The following LCOR variants were observed in gnomAD, a reference collection of about 807,000 sequenced individuals.
The protein encoded by LCOR is ligand dependent nuclear receptor corepressor.
A neutral mutation model predicts 64.4 loss-of-function variants in LCOR; 14 were observed. That is an observed-to-expected ratio of 0.22 (90% confidence interval 0.14 to 0.34). LCOR has a LOEUF of 0.34. Among genes scored for constraint, LCOR ranks in the 10% least tolerant of loss-of-function variants. The pLI, the probability that LCOR is intolerant of heterozygous loss-of-function variation, is 1.00. For missense variants in LCOR, 1,686 were observed against 1,765.3 expected (o/e 0.96, Z 0.80); for synonymous variants, 643 against 642.5 (o/e 1.00, Z -0.01).
intron 2 of LCOR, among the ~76,000 whole-genome samples, chr10:96,836,595 C>G: frequency 6.6e-6 from 1 of 152,252 alleles, no homozygotes; most frequent in East Asian, 1.9e-4. Context: ...AGTTATTGTA[C>G]AAGGCATAGT....
intron 4 of LCOR, among the ~76,000 whole-genome samples, chr10:96,928,215 T>C (rs965519257): frequency 8.5e-5 from 13 of 152,214 alleles, no homozygotes; most frequent in African/African-American, 3.1e-4. Flanking sequence ...GTTTGCATTT[T>C]ACCCGTAGTA....
chr10:96,855,778 A>G (rs1054884940), intron 2 of LCOR, among the ~76,000 whole-genome samples: 2 of 126,972 alleles, frequency 1.6e-5, no homozygotes, highest in Non-Finnish European at 3.3e-5. Context: ...GTCTCACTCC[A>G]TTGCCCAGGC....
intron 2 of LCOR, 140 bp downstream of exon 2, chr10:96,833,619 C>T (rs531926529): frequency 4.6e-6 from 1 of 218,880 alleles, no homozygotes; most frequent in African/African-American, 2.3e-5. Context: ...GAGATGCCCT[C>T]TCGTCGTCCG....
At chr10:96,864,524 A>G (rs777885220) in intron 2 of LCOR, among the ~76,000 whole-genome samples, 3 of 152,324 alleles carry the variant, frequency 2.0e-5, no homozygotes, top group Middle Eastern at 3.4e-3. Flanking sequence ...TCCTGCTCGC[A>G]TGGCACTTAG....
chr10:96,835,264 C>T (rs1845423219), intron 2 of LCOR, among the ~76,000 whole-genome samples: 2 of 152,156 alleles, frequency 1.3e-5, no homozygotes, highest in South Asian at 4.1e-4. Flanking sequence ...AATGGAATAT[C>T]AACATTTTGA....
At chr10:96,942,385 T>C (rs540981073) in intron 4 of LCOR, among the ~76,000 whole-genome samples, 1 of 152,182 alleles carries the variant, frequency 6.6e-6, no homozygotes, top group East Asian at 1.9e-4. Flanking sequence ...TGAGCTGAGA[T>C]GGCAGCAGTA....
chr10:96,966,777 C>T (rs1056235784), intron 7 of LCOR, among the ~76,000 whole-genome samples: 2 of 152,108 alleles, frequency 1.3e-5, no homozygotes, highest in African/African-American at 4.8e-5. Context: ...TTCTTATCTC[C>T]CAGGTTGGAG....
chr10:96,901,085 A>G (rs570880717), intron 2 of LCOR, among the ~76,000 whole-genome samples: 12 of 152,132 alleles, frequency 7.9e-5, no homozygotes, highest in Admixed American at 5.9e-4. Context: ...GCTACTCGGG[A>G]GGCTGAGGCA....
intron 3 of LCOR, 41 bp from the exon 4 acceptor site, chr10:96,907,627 A>G (rs1178605601): frequency 4.0e-6 from 3 of 753,038 alleles, no homozygotes; most frequent in Non-Finnish European, 4.9e-6. Context: ...TTTTCCTAAA[A>G]ATTCTCTTTT....
chr10:96,850,275 C>T (rs988844608), intron 2 of LCOR, among the ~76,000 whole-genome samples: 3 of 152,068 alleles, frequency 2.0e-5, no homozygotes, highest in East Asian at 1.9e-4. Flanking sequence ...CAAGGCCGGG[C>T]GCAGTGGCTC....
chr10:96,972,242 C>T (rs1279181907), intron 7 of LCOR, among the ~76,000 whole-genome samples: 2 of 152,044 alleles, frequency 1.3e-5, no homozygotes, highest in Non-Finnish European at 2.9e-5. Flanking sequence ...AAATGTATGT[C>T]ATCCAGTCCA....
chr10:96,836,212 G>T (rs1845438404), intron 2 of LCOR, among the ~76,000 whole-genome samples: 1 of 152,124 alleles, frequency 6.6e-6, no homozygotes, highest in Admixed American at 6.5e-5. Flanking sequence ...CCATTTTTTA[G>T]TCTTATGGTG....
chr10:96,984,067 A>G lies in LCOR; in HGVS notation c.3607A>G (p.Asn1203Asp), dbSNP rs1378826585. Residue 1203 changes from asparagine to aspartate, a missense_variant, in exon 8 of 8, where the codon AAT (asparagine) becomes GAT (aspartate). Asn to Asp is a conservative substitution (Grantham distance 23). Coordinates refer to ENST00000421806, the MANE Select transcript of LCOR (RefSeq NM_001346516.2). ...GTCTCTAGTCATTGTGAAGAAGCTC[A>G]ATACTCGCCTTCCAGGAGACGTTCC... ...TRSLVIVKKL[N>D]TRLPGDVPPV... 1 of 1,611,900 alleles carries G rather than the reference A, an allele frequency of 6.2e-7. No homozygotes were observed.
intron 7 of LCOR, among the ~76,000 whole-genome samples, chr10:96,970,030 A>G (rs1297218340): frequency 3.0e-5 from 4 of 133,944 alleles, no homozygotes; most frequent in African/African-American, 8.5e-5. Flanking sequence ...TGACCTCATG[A>G]TCCGCCCGCC....
At chr10:96,967,848 C>T (rs1475387156) in intron 7 of LCOR, among the ~76,000 whole-genome samples, 1 of 151,932 alleles carries the variant, frequency 6.6e-6, no homozygotes, top group Non-Finnish European at 1.5e-5. Flanking sequence ...ATTTTTATTT[C>T]TATTATGTGC....
intron 4 of LCOR, among the ~76,000 whole-genome samples, chr10:96,909,352 A>G (rs1345118813): frequency 6.6e-6 from 1 of 152,228 alleles, no homozygotes; most frequent in East Asian, 1.9e-4. Flanking sequence ...CAACTAAGCT[A>G]TTTCTCTATA....
intron 2 of LCOR, among the ~76,000 whole-genome samples, chr10:96,874,551 G>C (rs1315412334): frequency 6.6e-6 from 1 of 151,952 alleles, no homozygotes; most frequent in Non-Finnish European, 1.5e-5. Context: ...TAAACTCCTG[G>C]TAATTCTGCA....
intron 4 of LCOR, among the ~76,000 whole-genome samples, chr10:96,937,824 C>T (rs921141340): frequency 2.0e-4 from 31 of 152,098 alleles, no homozygotes; most frequent in Non-Finnish European, 1.3e-4. Flanking sequence ...TTTATGAGTA[C>T]CAGCACAAAA....
chr10:96,845,363 C>T (rs1032308838), intron 2 of LCOR, among the ~76,000 whole-genome samples: 2 of 143,646 alleles, frequency 1.4e-5, no homozygotes, highest in African/African-American at 5.2e-5. Flanking sequence ...GATATAAACA[C>T]TAATTTCCTG....
Sources: gnomAD v4.1 joint callset for allele counts (sites outside exome capture counted in the v4.1 genomes callset) on GRCh38, gnomAD v4.1.1 for gene constraint, MANE v1.5 for transcripts, NCBI Gene and HGNC (gene_info 2026-07-23, HGNC 2026-07-21) for gene names.